DOK6: variants seen among roughly 807,000 people sequenced by gnomAD.
DOK6 encodes the protein downstream of tyrosine kinase 6.
A neutral mutation model predicts 44.0 loss-of-function variants in DOK6; 22 were observed. The ratio of observed to expected loss-of-function variants is 0.50; its 90% confidence interval spans 0.36 to 0.71. DOK6 has a LOEUF of 0.71. DOK6 is among the 30% of genes least tolerant of loss of function. DOK6 has a pLI of 0.00. For missense variants in DOK6, 340 were observed against 416.4 expected (o/e 0.82, Z 1.60); for synonymous variants, 166 against 145.5 (o/e 1.14, Z -1.01).
chr18:69,514,812 A>G (rs1352586284), intron 1 of DOK6, among the ~76,000 whole-genome samples: 1 of 149,124 alleles, frequency 6.7e-6, no homozygotes, highest in African/African-American at 2.4e-5. Flanking sequence ...TTTGTAGACC[A>G]CATCATGACT....
At chr18:69,518,369 G>A (rs978096269) in intron 1 of DOK6, among the ~76,000 whole-genome samples, 1 of 151,618 alleles carries the variant, frequency 6.6e-6, no homozygotes, top group Non-Finnish European at 1.5e-5. Context: ...AGTGTGGGCT[G>A]AACTCCTCTT....
intron 1 of DOK6, among the ~76,000 whole-genome samples, chr18:69,556,975 G>T (rs1228927872): frequency 1.3e-5 from 2 of 152,128 alleles, no homozygotes; most frequent in Admixed American, 1.3e-4. Flanking sequence ...GCATAAACCT[G>T]TAAATAACTC....
chr18:69,747,068 C>T (rs1419350055), intron 6 of DOK6, among the ~76,000 whole-genome samples: 1 of 152,164 alleles, frequency 6.6e-6, no homozygotes, highest in Admixed American at 6.5e-5. Flanking sequence ...CCTCATTGTC[C>T]TTGTCTGTAA....
rs560122521 is a variant in DOK6 at position 69,430,775 on chromosome 18, T to C, written c.66+29465T>C. Among the ~76,000 whole-genome samples, 23 of 152,276 alleles carry C rather than the reference T, an allele frequency of 1.5e-4. No individual in the cohort carries two copies. In the East Asian group the frequency reaches 4.4e-3, roughly 29 times the overall value. On this transcript the variant is annotated intron_variant, in intron 1 of 7. Coordinates refer to ENST00000382713, the MANE Select transcript of DOK6 (RefSeq NM_152721.6). ...TGAGTTCAAGAGTTTGAGACCGGCC[T>C]GATTAACATGGTGAAACCCCATCTC...
intron 1 of DOK6, among the ~76,000 whole-genome samples, chr18:69,553,840 GA>G (rs1252865811): frequency 3.9e-5 from 6 of 152,252 alleles, no homozygotes; most frequent in African/African-American, 1.2e-4. Flanking sequence ...GTACTTCTGG[GA>G]TGCCTGCATC....
chr18:69,460,090 G>T (rs1979746727), intron 1 of DOK6, among the ~76,000 whole-genome samples: 1 of 152,034 alleles, frequency 6.6e-6, no homozygotes, highest in South Asian at 2.1e-4. Context: ...CCATTTCATT[G>T]TTAGTTTTTA....
chr18:69,694,860 A>G (rs2144699821), intron 4 of DOK6, among the ~76,000 whole-genome samples: 1 of 152,284 alleles, frequency 6.6e-6, no homozygotes, highest in South Asian at 2.1e-4. Flanking sequence ...CAATCATCTG[A>G]TAAGGAAAAT....
At chr18:69,737,562 C>CA (rs1021238091) in intron 5 of DOK6, among the ~76,000 whole-genome samples, 5 of 152,078 alleles carry the variant, frequency 3.3e-5, no homozygotes, top group Non-Finnish European at 7.4e-5. Context: ...ACATGGCTGA[C>CA]AAAAAATCAT....
intron 1 of DOK6, among the ~76,000 whole-genome samples, chr18:69,482,320 T>C (rs1472730865): frequency 2.0e-5 from 3 of 152,162 alleles, no homozygotes; most frequent in Non-Finnish European, 4.4e-5. Context: ...CTGAATGGTA[T>C]TGCACGTGCA....
At chr18:69,710,103 C>T (rs561139044) in intron 5 of DOK6, among the ~76,000 whole-genome samples, 4 of 152,242 alleles carry the variant, frequency 2.6e-5, no homozygotes, top group Admixed American at 2.0e-4. Context: ...CACCTGAACC[C>T]GGGAGTTTGA....
intron 1 of DOK6, among the ~76,000 whole-genome samples, chr18:69,465,689 C>A (rs2122480540): frequency 6.6e-6 from 1 of 152,062 alleles, no homozygotes; most frequent in African/African-American, 2.4e-5. Flanking sequence ...GCCACATTTT[C>A]TTAATCCAGT....
chr18:69,424,158 T>A (rs1440833007), intron 1 of DOK6, among the ~76,000 whole-genome samples: 1 of 152,188 alleles, frequency 6.6e-6, no homozygotes, highest in Non-Finnish European at 1.5e-5. Context: ...GTGCAAGAGT[T>A]TGGTTAGGTT....
rs373204861 is a variant in DOK6, at chr18:69,528,554, TCTC to T, written c.67-35930_67-35928del. 6.6e-3 allele frequency among the ~76,000 whole-genome samples: 1,010 copies of T among 152,268 alleles called. 8 individuals are homozygous for T. Among genetic ancestry groups the T allele is most frequent in the African/African-American group, 0.023 (959 of 41,548 alleles). On this transcript the variant is annotated intron_variant, in intron 1 of 7. Transcript: ENST00000382713. ...CTGACTCATTGCTGGTAAGAATACT[TCTC>T]CTAAGGAAAGCTCTAATCTTGCCAA...
At chr18:69,539,296 C>T (rs1305697328) in intron 1 of DOK6, among the ~76,000 whole-genome samples, 4 of 152,134 alleles carry the variant, frequency 2.6e-5, no homozygotes, top group Admixed American at 6.5e-5. Flanking sequence ...GCACATGATT[C>T]GTGAATTGCG....
chr18:69,428,656 T>TA (rs1978711096), intron 1 of DOK6, among the ~76,000 whole-genome samples: 1 of 152,120 alleles, frequency 6.6e-6, no homozygotes, highest in African/African-American at 2.4e-5. Context: ...ACTTGCTGGA[T>TA]AAAATACCAA....
chr18:69,823,657 GTATTT>G (rs1228053021), intron 7 of DOK6, among the ~76,000 whole-genome samples: 1 of 141,768 alleles, frequency 7.1e-6, no homozygotes, highest in African/African-American at 2.6e-5. Flanking sequence ...GTGTGTGTGT[GTATTT>G]TAAAGACAAA....
intron 1 of DOK6, among the ~76,000 whole-genome samples, chr18:69,520,736 T>G (rs2144564259): frequency 6.6e-6 from 1 of 152,032 alleles, no homozygotes; most frequent in Non-Finnish European, 1.5e-5. Flanking sequence ...TATGCAAATA[T>G]TCCAAAATTC....
At position 69,847,165 on chromosome 18, in the gene DOK6, T is replaced by G. The variant is rs1203352757; in HGVS notation, c.*5782T>G. 3 of 152,166 alleles carry G rather than the reference T, an allele frequency of 2.0e-5. No individual in the cohort carries two copies. Among genetic ancestry groups the G allele is most frequent in the African/African-American group, 7.2e-5 (3 of 41,444 alleles). 9.4% of individuals were successfully genotyped at this position (152,166 alleles called of 1,614,324 possible). A position where few individuals can be genotyped will look rare whatever the true frequency, so the allele number is the denominator to read the frequency against. On this transcript the variant is annotated 3_prime_UTR_variant, in exon 8 of 8. Transcript: ENST00000382713. ...AAGTTATCTTCCATGCCTGCTTCCC[T>G]AGTCTGAACTCCACATTCCAGTTGT...
chr18:69,685,177 A>G (rs1034980773), intron 4 of DOK6, among the ~76,000 whole-genome samples: 5 of 152,198 alleles, frequency 3.3e-5, no homozygotes, highest in Non-Finnish European at 7.3e-5. Context: ...TAAATTCAAT[A>G]TATAATATTG....
Sources: allele counts gnomAD v4.1 joint callset (sites outside exome capture counted in the v4.1 genomes callset), GRCh38; gene constraint gnomAD v4.1.1; transcripts MANE v1.5; gene names NCBI Gene and HGNC (gene_info 2026-07-23, HGNC 2026-07-21).